SRSF6: variants seen among roughly 807,000 people sequenced by gnomAD.
SRSF6 encodes the protein serine/arginine-rich splicing factor 6.
Under a neutral mutation model 42.0 loss-of-function variants are expected in SRSF6, and 17 were observed. The observed-to-expected ratio is 0.40, with a 90% confidence interval of 0.28 to 0.61. The LOEUF (loss-of-function observed/expected upper bound fraction) is 0.61. Among genes scored for constraint, SRSF6 ranks in the 20% least tolerant of loss-of-function variants. The pLI, the probability that SRSF6 is intolerant of heterozygous loss-of-function variation, is 0.37. For missense variants in SRSF6, 379 were observed against 471.4 expected, an observed-to-expected ratio of 0.80 and a Z score of 1.81; for synonymous variants, 204 against 166.7, an observed-to-expected ratio of 1.22 and a Z score of -1.72.
rs1424929283 is a variant in SRSF6 at position 43,461,332 on chromosome 20, GTGTTGTTTTTTTTTTT to G, written c.*271_*286del. The G allele has an allele frequency of 8.5e-5, 3 of 35,376 alleles. No homozygotes were observed. Among genetic ancestry groups the G allele is most frequent in the Non-Finnish European group, 1.4e-4 (3 of 20,776 alleles). 2.2% of individuals were successfully genotyped at this position (35,376 alleles called of 1,614,324 possible). The stretch of plus-strand genomic sequence containing the variant: ...CTTTTGTAAAGATTAAGCTCATTTA[GTGTTGTTTTTTTTTTT>G]TTTTTTTTTTTTTTTTTTTTTTTTT... On this transcript the variant is annotated 3_prime_UTR_variant, in exon 6 of 6. Coordinates refer to ENST00000244020, the MANE Select transcript of SRSF6 (RefSeq NM_006275.6).
At position 43,462,993 on chromosome 20, in the gene SRSF6, A is replaced by C. The variant is rs954630587; in HGVS notation, c.*1930A>C. ...CTCTTGTTTTCAGGGAAAGAACATA[A>C]AAGCTTTTTGAACTACAGCCTTTTT... On this transcript the variant is annotated 3_prime_UTR_variant, in exon 6 of 6. Transcript: ENST00000244020. 3.3e-5 allele frequency: 5 copies of C among 152,650 alleles called. No homozygotes were observed. Among genetic ancestry groups the C allele is most frequent in the African/African-American group, 1.2e-4 (5 of 41,460 alleles). 9.5% of individuals were successfully genotyped at this position (152,650 alleles called of 1,614,324 possible).
chr20:43,458,191 G>C (rs550703634), intron 1 of SRSF6, 51 bp downstream of exon 1: 7 of 1,577,714 alleles, frequency 4.4e-6, no homozygotes, highest in Non-Finnish European at 6.0e-6. Flanking sequence ...TGGTGGCGGC[G>C]GGAACTCTCC....
rs553221296 is a variant in SRSF6 at position 43,462,720 on chromosome 20, C to T, written c.*1657C>T. On this transcript the variant is annotated 3_prime_UTR_variant, in exon 6 of 6. Transcript: ENST00000244020. Reference sequence around the variant, plus strand: ...AAAAGGCCTTGTTTTTCAGAAATTCCTGGGTTTCCTGTTAAAAAATCTTAA... The same window carrying T: ...AAAAGGCCTTGTTTTTCAGAAATTCTTGGGTTTCCTGTTAAAAAATCTTAA... 1.4e-4 allele frequency: 22 copies of T among 152,168 alleles called. No homozygotes were observed. The highest frequency in any genetic ancestry group is 3.1e-4 in the Non-Finnish European group (21 of 68,032). The allele number at this position is 152,168 out of a possible 1,614,324, so 9.4% of individuals were successfully genotyped here. A position where few individuals can be genotyped will look rare whatever the true frequency, so the allele number is the denominator to read the frequency against.
At chr20:43,459,101 T>C (rs2017546480) in intron 2 of SRSF6, 15 of 1,342,642 alleles carry the variant, frequency 1.1e-5, no homozygotes, top group Non-Finnish European at 1.5e-5. Context: ...TTTAAATTGT[T>C]GCATGTTGAA....
Position 43,457,917 on chromosome 20 carries a change from G to T in SRSF6, c.-117G>T, listed in dbSNP as rs2017520394. 8 of 787,182 alleles carry T rather than the reference G, an allele frequency of 1.0e-5. No homozygotes were observed. Among genetic ancestry groups the T allele is most frequent in the Non-Finnish European group, 1.6e-5 (8 of 495,420 alleles). 48.8% of individuals were successfully genotyped at this position (787,182 alleles called of 1,614,324 possible). A position where few individuals can be genotyped will look rare whatever the true frequency, so the allele number is the denominator to read the frequency against. On this transcript the variant is annotated 5_prime_UTR_variant, in exon 1 of 6. Transcript: ENST00000244020. ...CGCCATTGTGTGGCTGGACTCGGCCGCCCCTGTGGTGTGAGGCGCGTGTTC... is the reference window on the plus strand; with the variant it reads ...CGCCATTGTGTGGCTGGACTCGGCCTCCCCTGTGGTGTGAGGCGCGTGTTC...
At position 43,458,007 on chromosome 20, in the gene SRSF6, G is replaced by A. The variant is rs370202964; in HGVS notation, c.-27G>A. On this transcript the variant is annotated 5_prime_UTR_variant, in exon 1 of 6. Transcript: ENST00000244020. Reference sequence around the variant, plus strand: ...CTTGCGGTCCGCCGTTCGACAACCAGCCCTTGGGTCCCCGCCCGCCACGGA... The same window carrying A: ...CTTGCGGTCCGCCGTTCGACAACCAACCCTTGGGTCCCCGCCCGCCACGGA... 328 of 1,594,946 alleles carry A rather than the reference G, an allele frequency of 2.1e-4. No individual in the cohort carries two copies. Among genetic ancestry groups the A allele is most frequent in the Middle Eastern group, 1.2e-3 (6 of 4,802 alleles).
In SRSF6 at chr20:43,461,348, T is replaced by TTG. The variant is rs2017593330; in HGVS notation, c.*286_*287insGT. 9.4e-6 allele frequency: 1 copy of TTG among 106,654 alleles called. No homozygotes were observed. The highest frequency in any genetic ancestry group is 4.4e-5 in the African/African-American group (1 of 22,512). 6.6% of individuals were successfully genotyped at this position (106,654 alleles called of 1,614,324 possible). A position where few individuals can be genotyped will look rare whatever the true frequency, so the allele number is the denominator to read the frequency against. On this transcript the variant is annotated 3_prime_UTR_variant, in exon 6 of 6. Transcript: ENST00000244020. The stretch of plus-strand genomic sequence containing the variant: ...GCTCATTTAGTGTTGTTTTTTTTTT[T>TTG]TTTTTTTTTTTTTTTTTTTTTTTTT...
chr20:43,459,657 A>G, intron 2 of SRSF6, 114 bp from the exon 3 acceptor site: 4 of 1,522,456 alleles, frequency 2.6e-6, no homozygotes, highest in Non-Finnish European at 3.6e-6. Context: ...TTAGCAATAT[A>G]ATAGCAAAGT....
In SRSF6 at chr20:43,462,231, T is replaced by C. The variant is rs1376296475; in HGVS notation, c.*1168T>C. On this transcript the variant is annotated 3_prime_UTR_variant, in exon 6 of 6. Transcript: ENST00000244020. ...GGGTAAACGCAAAACTTTTGTACTTTATTACGAGTAAAGTGTAATGAGTAC... is the reference window on the plus strand; with the variant it reads ...GGGTAAACGCAAAACTTTTGTACTTCATTACGAGTAAAGTGTAATGAGTAC... The C allele has an allele frequency of 6.6e-6, 1 of 152,216 alleles. No homozygotes were observed. Among genetic ancestry groups the C allele is most frequent in the African/African-American group, 2.4e-5 (1 of 41,456 alleles). The allele number at this position is 152,216 out of a possible 1,614,324, so 9.4% of individuals were successfully genotyped here. A position where few individuals can be genotyped will look rare whatever the true frequency, so the allele number is the denominator to read the frequency against.
chr20:43,459,704 A>G (rs1600861025), intron 2 of SRSF6, 67 bp from the exon 3 acceptor site: 2 of 1,607,900 alleles, frequency 1.2e-6, no homozygotes, highest in African/African-American at 1.3e-5. Context: ...TGTTTGTACT[A>G]ACTTTCAAAG....
In SRSF6 at chr20:43,457,930, G is replaced by T. The variant is rs902960603; in HGVS notation, c.-104G>T. The T allele has an allele frequency of 5.2e-6, 5 of 954,482 alleles. No individual in the cohort carries two copies. The highest frequency in any genetic ancestry group is 1.4e-5 in the South Asian group (1 of 69,496). The allele number at this position is 954,482 out of a possible 1,614,324, so 59.1% of individuals were successfully genotyped here. A position where few individuals can be genotyped will look rare whatever the true frequency, so the allele number is the denominator to read the frequency against. On this transcript the variant is annotated 5_prime_UTR_variant, in exon 1 of 6. Coordinates refer to ENST00000244020, the MANE Select transcript of SRSF6 (RefSeq NM_006275.6). The stretch of plus-strand genomic sequence containing the variant: ...CTGGACTCGGCCGCCCCTGTGGTGT[G>T]AGGCGCGTGTTCGGGCTCTTGCCGT...
rs764120444 is a variant in SRSF6, at chr20:43,460,959, A to G, written c.931A>G (p.Lys311Glu). ...SNSPLPVPPS[K>E]ARSVSPPPKR... ...TTCGCCGCTACCTGTTCCACCCTCA[A>G]AGGCCCGTTCTGTGTCCCCTCCACC... is the stretch of plus-strand genomic sequence containing the variant. Residue 311 changes from lysine (K) to glutamate (E), a missense_variant, in exon 6 of 6, where the codon AAG becomes GAG. This residue lies in a region of SRSF6 where 219 missense variants were observed against 216.1 expected (regional missense o/e 1.01). Coordinates refer to ENST00000244020, the MANE Select transcript of SRSF6 (RefSeq NM_006275.6). The G allele has an allele frequency of 6.8e-6, 11 of 1,614,136 alleles. No homozygotes were observed. The highest frequency in any genetic ancestry group is 1.7e-6 in the Non-Finnish European group (2 of 1,180,014).
rs1029552292 is a variant in SRSF6, at chr20:43,462,216, A to T, written c.*1153A>T. ...GAAAAACAGTGAAATGGGTAAACGC[A>T]AAACTTTTGTACTTTATTACGAGTA... is the stretch of plus-strand genomic sequence containing the variant. On this transcript the variant is annotated 3_prime_UTR_variant, in exon 6 of 6. Transcript: ENST00000244020. 6.6e-6 allele frequency: 1 copy of T among 152,212 alleles called. No individual in the cohort carries two copies. Among genetic ancestry groups the T allele is most frequent in the Non-Finnish European group, 1.5e-5 (1 of 68,038 alleles). The allele number at this position is 152,212 out of a possible 1,614,324, so 9.4% of individuals were successfully genotyped here.
intron 4 of SRSF6, 62 bp downstream of exon 4, chr20:43,460,303 G>A: frequency 1.3e-6 from 2 of 1,558,564 alleles, no homozygotes; most frequent in Admixed American, 1.7e-5. Context: ...GGGAGTAATT[G>A]AGTGATGTCA....
In SRSF6 at chr20:43,458,342, G is replaced by T; in HGVS notation, c.108-19G>T. ...CTAACGACTCCCCCGCGGTTGTCCG[G>T]CCCTCGCACCGCCCCTAGGTACGGC... On this transcript the variant is annotated intron_variant, in intron 1 of 5. Transcript: ENST00000244020. 6.5e-7 allele frequency: 1 copy of T among 1,532,740 alleles called. No homozygotes were observed. Among genetic ancestry groups the T allele is most frequent in the East Asian group, 2.7e-5 (1 of 36,798 alleles). The allele number at this position is 1,532,740 out of a possible 1,614,324, so 94.9% of individuals were successfully genotyped here.
rs776029152 is a variant in SRSF6, at chr20:43,459,794, C to T, written c.280C>T (p.Arg94Trp). 1.3e-5 allele frequency: 21 copies of T among 1,613,210 alleles called. No homozygotes were observed. Among genetic ancestry groups the T allele is most frequent in the Middle Eastern group, 1.8e-4 (1 of 5,412 alleles). The part of the protein sequence containing the change: ...SRSGGGGYSS[R>W]RTSGRDKYGP... ...AGGTGGTGGAGGTGGATACAGCAGT[C>T]GGAGAACATCTGGCAGAGACAAATA... The change falls in exon 3 of 6, where the codon CGG (arginine) becomes TGG (tryptophan). Residue 94 changes from arginine to tryptophan, a missense_variant. This residue lies in a region of SRSF6 where 117 missense variants were observed against 146.8 expected (regional missense o/e 0.80). Transcript: ENST00000244020.
chr20:43,459,948 C>T (rs375297451), intron 3 of SRSF6, 53 bp downstream of exon 3: 2 of 1,600,554 alleles, frequency 1.2e-6, no homozygotes, highest in Non-Finnish European at 1.7e-6. Flanking sequence ...TTAAAGTAAA[C>T]TCCTTTTATA....
In SRSF6 at chr20:43,460,501, T is replaced by C. The variant is rs201469806; in HGVS notation, c.591-14T>C. On this transcript the variant is annotated splice_polypyrimidine_tract_variant and intron_variant, in intron 4 of 5. Coordinates refer to ENST00000244020, the MANE Select transcript of SRSF6 (RefSeq NM_006275.6). ...TGGATTGGGATTAAGACTTCATTGTTTTTCTCCTAATAGGTCTCGATCTAG... is the reference window on the plus strand; with the variant it reads ...TGGATTGGGATTAAGACTTCATTGTCTTTCTCCTAATAGGTCTCGATCTAG... 15 of 1,612,306 alleles carry C rather than the reference T, an allele frequency of 9.3e-6. No homozygotes were observed. The African/African-American group carries it at 9.3e-5, about 10-fold the overall frequency.
At chr20:43,458,592 G>C in intron 2 of SRSF6, 83 bp downstream of exon 2, 1 of 1,332,092 alleles carries the variant, frequency 7.5e-7, no homozygotes, top group Non-Finnish European at 9.7e-7. Context: ...AGCCCGGGCA[G>C]GCGCGAGGGC....
Sources: gnomAD v4.1 joint callset for allele counts on GRCh38, gnomAD v4.1.1 for gene constraint, gnomAD v4.1.1 regional missense constraint, MANE v1.5 for transcripts, NCBI Gene and HGNC (gene_info 2026-07-23, HGNC 2026-07-21) for gene names.